MMS22L: variants seen among roughly 807,000 people sequenced by gnomAD.
MMS22L encodes protein MMS22-like.
MMS22L carries 74 observed loss-of-function variants against 159.1 expected under a neutral mutation model. That is an observed-to-expected ratio of 0.47 (90% CI 0.39 to 0.56). The LOEUF (loss-of-function observed/expected upper bound fraction) is 0.56. Ranked by LOEUF, MMS22L falls within the 20% of genes least tolerant of loss-of-function variation. MMS22L has a pLI of 0.00. For missense variants in MMS22L, 1,351 were observed against 1,422.1 expected (o/e 0.95, Z 0.80); for synonymous variants, 517 against 506.9 (o/e 1.02, Z -0.27).
intron 14 of MMS22L, among the ~76,000 whole-genome samples, chr6:97,216,495 G>A (rs1172767512): frequency 1.3e-5 from 2 of 152,044 alleles, no homozygotes; most frequent in African/African-American, 4.8e-5. Context: ...TTATCATACT[G>A]AGTTTTTTTA....
intron 5 of MMS22L, 29 bp downstream of exon 5, chr6:97,272,946 G>A (rs1303287127): frequency 6.2e-7 from 1 of 1,606,932 alleles, no homozygotes; most frequent in Non-Finnish European, 8.5e-7. Context: ...AATTCATGCA[G>A]TGATCAAAAT....
chr6:97,270,499 A>T, intron 6 of MMS22L: 1 of 290,158 alleles, frequency 3.4e-6, no homozygotes, highest in Non-Finnish European at 6.8e-6. Flanking sequence ...ATGTATTAGT[A>T]TTCAAACTCA....
chr6:97,282,437 C>A lies in MMS22L; in HGVS notation c.41G>T (p.Ser14Ile). 6.2e-7 allele frequency: 1 copy of A among 1,613,924 alleles called. No individual in the cohort carries two copies. The highest frequency in any genetic ancestry group is 1.7e-5 in the Admixed American group (1 of 60,000). Reference sequence around the variant, plus strand: ...TTCCGTCCCCAGCTCCAGCTCTAAGCTGTCAGTCAGGAACGTCGATGCAGC... The same window carrying A: ...TTCCGTCCCCAGCTCCAGCTCTAAGATGTCAGTCAGGAACGTCGATGCAGC... ...CSAASTFLTDSLELELGTEWC... is the reference protein window; with the variant it reads ...CSAASTFLTDILELELGTEWC... Residue 14 changes from serine (S) to isoleucine (I), a missense_variant, in exon 2 of 25, where the codon AGC (serine) becomes ATC (isoleucine). Ser to Ile is a moderately radical substitution (Grantham distance 142, BLOSUM62 -2). Transcript: ENST00000683635.
intron 10 of MMS22L, among the ~76,000 whole-genome samples, chr6:97,248,131 A>C (rs1812867461): frequency 6.6e-6 from 1 of 152,228 alleles, no homozygotes. Flanking sequence ...AATAGGTTAC[A>C]AGACACTGAA....
intron 11 of MMS22L, 28 bp downstream of exon 11, chr6:97,246,600 C>T: frequency 6.4e-7 from 1 of 1,566,172 alleles, no homozygotes; most frequent in Admixed American, 1.9e-5. Flanking sequence ...AAGCAAAATC[C>T]ACAAACTGTC....
chr6:97,225,715 G>T (rs4521595), intron 14 of MMS22L, among the ~76,000 whole-genome samples: 6 of 152,028 alleles, frequency 3.9e-5, no homozygotes, highest in African/African-American at 1.4e-4. Context: ...TGGGACTACA[G>T]GCACCCGCCA....
intron 11 of MMS22L, among the ~76,000 whole-genome samples, chr6:97,239,635 G>A (rs1811838127): frequency 6.6e-6 from 1 of 152,200 alleles, no homozygotes. Flanking sequence ...TGGTCAGGCT[G>A]GGTGCGGTGG....
intron 14 of MMS22L, among the ~76,000 whole-genome samples, chr6:97,216,675 A>T (rs1809051697): frequency 2.0e-5 from 3 of 152,188 alleles, no homozygotes; most frequent in Admixed American, 6.5e-5. Context: ...GGTGCCATGA[A>T]AGAGCACAGT....
chr6:97,255,599 A>G (rs1387510999), intron 9 of MMS22L, among the ~76,000 whole-genome samples: 2 of 151,830 alleles, frequency 1.3e-5, no homozygotes, highest in Non-Finnish European at 2.9e-5. Flanking sequence ...TTTTTCCTGT[A>G]TTTGCATATA....
chr6:97,160,930 T>C (rs1467165250), intron 22 of MMS22L, among the ~76,000 whole-genome samples: 1 of 152,052 alleles, frequency 6.6e-6, no homozygotes, highest in African/African-American at 2.4e-5. Flanking sequence ...CATTTGGTTC[T>C]TTTCATAAAA....
At chr6:97,196,855 T>C (rs753469657) in intron 14 of MMS22L, among the ~76,000 whole-genome samples, 9 of 152,136 alleles carry the variant, frequency 5.9e-5, no homozygotes, top group Non-Finnish European at 1.2e-4. Context: ...ATACTACACA[T>C]ATATAGATAC....
chr6:97,200,802 A>G lies in MMS22L; in HGVS notation c.2040-14112T>C, dbSNP rs540864946. ...AATGGAAAGATACTTGCTTACACTG[A>G]TAAAAGAGTAGGGCTTTGTTACCAT... On this transcript the variant is annotated intron_variant, in intron 14 of 24. Transcript: ENST00000683635. Among the ~76,000 whole-genome samples, 7 of 152,286 alleles carry G rather than the reference A, an allele frequency of 4.6e-5. No homozygotes were observed. The East Asian group carries it at 9.6e-4, about 21-fold the overall frequency.
chr6:97,228,564 A>C (rs148275770), intron 14 of MMS22L, among the ~76,000 whole-genome samples: 3 of 152,372 alleles, frequency 2.0e-5, no homozygotes, highest in Non-Finnish European at 4.4e-5. Flanking sequence ...CCTGTGTATA[A>C]GATGTATGTG....
intron 3 of MMS22L, among the ~76,000 whole-genome samples, chr6:97,279,764 T>C (rs1277245305): frequency 6.7e-6 from 1 of 148,700 alleles, no homozygotes; most frequent in East Asian, 2.0e-4. Flanking sequence ...CCAGCCAGGG[T>C]GACAGTGTGA....
intron 14 of MMS22L, among the ~76,000 whole-genome samples, chr6:97,211,718 T>G (rs921842099): frequency 6.6e-6 from 1 of 152,112 alleles, no homozygotes; most frequent in African/African-American, 2.4e-5. Context: ...AGTAGAAAAG[T>G]AGATGTCAGA....
At chr6:97,281,055 T>C (rs910240610) in intron 3 of MMS22L, among the ~76,000 whole-genome samples, 182 bp downstream of exon 3, 1 of 152,210 alleles carries the variant, frequency 6.6e-6, no homozygotes, top group African/African-American at 2.4e-5. Context: ...AAAACGCAAC[T>C]CATTAAAACC....
chr6:97,212,186 C>T (rs1808455738), intron 14 of MMS22L, among the ~76,000 whole-genome samples: 1 of 152,200 alleles, frequency 6.6e-6, no homozygotes, highest in Non-Finnish European at 1.5e-5. Context: ...TCTCTACTTT[C>T]TCCAATACCA....
chr6:97,278,889 C>A lies in MMS22L; in HGVS notation c.300G>T (p.Leu100=). ...RELFHLFRQQ[L]YNLETLLQSS... ...ACTGTAACAAGGTTTCCAAGTTGTA[C>A]AGTTGTTGCCTAATTTTAAAAATGT... The change falls in exon 4 of 25, where the codon CTG becomes CTT. Residue 100 remains leucine, a synonymous_variant. Coordinates refer to ENST00000683635, the MANE Select transcript of MMS22L (RefSeq NM_001350599.2). 2 of 1,612,920 alleles carry A rather than the reference C, an allele frequency of 1.2e-6. No individual in the cohort carries two copies. The highest frequency in any genetic ancestry group is 2.7e-5 in the African/African-American group (2 of 74,998).
intron 11 of MMS22L, 35 bp downstream of exon 11, chr6:97,246,593 C>T (rs1812666933): frequency 1.3e-6 from 2 of 1,545,902 alleles, no homozygotes; most frequent in East Asian, 4.6e-5. Context: ...AAAAATTAAG[C>T]AAAATCCACA....
Sources: allele counts gnomAD v4.1 joint callset (sites outside exome capture counted in the v4.1 genomes callset), GRCh38; gene constraint gnomAD v4.1.1; transcripts MANE v1.5; gene names NCBI Gene and HGNC (gene_info 2026-07-23, HGNC 2026-07-21).